Variants in CNTN4 observed in about 807,000 individuals in gnomAD.
CNTN4 encodes the protein contactin-4.
A neutral mutation model predicts 122.5 loss-of-function variants in CNTN4; 77 were observed. That is an observed-to-expected ratio of 0.63 (90% CI 0.52 to 0.76). The LOEUF (loss-of-function observed/expected upper bound fraction) is 0.76, where lower values mean the gene tolerates loss of function less well. Among genes scored for constraint, CNTN4 ranks in the 30% least tolerant of loss-of-function variants. The pLI is 0.00. For synonymous variants in CNTN4, 512 were observed against 447.0 expected (o/e 1.15, Z -1.83); for missense variants, 1,256 against 1,259.1 (o/e 1.00, Z 0.04).
chr3:2,540,397 C>T (rs951739494), intron 3 of CNTN4, among the ~76,000 whole-genome samples: 2 of 151,884 alleles, frequency 1.3e-5, no homozygotes, highest in African/African-American at 2.4e-5. Flanking sequence ...ATTTCTCTTG[C>T]AGCAAAACAG....
chr3:2,151,775 C>T lies in CNTN4; in HGVS notation c.-145+51136C>T, dbSNP rs143802975. Among the ~76,000 whole-genome samples, 841 of 152,284 alleles carry T rather than the reference C, an allele frequency of 5.5e-3. 9 individuals carry two copies. The highest frequency in any genetic ancestry group is 0.019 in the African/African-American group (778 of 41,554). On this transcript the variant is annotated intron_variant, in intron 2 of 24. Coordinates refer to ENST00000418658, the MANE Select transcript of CNTN4 (RefSeq NM_175607.3). Reference sequence around the variant, plus strand: ...AGAGGAAAACAGACCTGAGCTAGGACACTCAGTCATGTGACAGCCTGTGCC... The same window carrying T: ...AGAGGAAAACAGACCTGAGCTAGGATACTCAGTCATGTGACAGCCTGTGCC...
intron 4 of CNTN4, among the ~76,000 whole-genome samples, chr3:2,683,774 T>A (rs191336741): frequency 2.9e-4 from 44 of 152,060 alleles, no homozygotes; most frequent in Non-Finnish European, 4.3e-4. Flanking sequence ...TCCCTAGGAG[T>A]GTTCCAATAT....
intron 2 of CNTN4, among the ~76,000 whole-genome samples, chr3:2,275,650 G>A (rs1347709786): frequency 4.6e-5 from 7 of 151,998 alleles, no homozygotes; most frequent in African/African-American, 1.2e-4. Context: ...GGCCAGGCGC[G>A]GTGGGTAACA....
chr3:2,275,299 T>G (rs914576927), intron 2 of CNTN4, among the ~76,000 whole-genome samples: 11 of 152,232 alleles, frequency 7.2e-5, no homozygotes, highest in Non-Finnish European at 1.5e-5. Flanking sequence ...TTATAAATTA[T>G]ATGACCAAAT....
At chr3:2,693,826 C>T (rs1312354723) in intron 4 of CNTN4, among the ~76,000 whole-genome samples, 2 of 152,142 alleles carry the variant, frequency 1.3e-5, no homozygotes, top group East Asian at 3.9e-4. Flanking sequence ...TAAACTGAGT[C>T]TCTGTACCCC....
At chr3:2,922,278 C>A (rs1041075556) in intron 12 of CNTN4, among the ~76,000 whole-genome samples, 2 of 152,188 alleles carry the variant, frequency 1.3e-5, no homozygotes, top group African/African-American at 4.8e-5. Context: ...ACTTTTAAAA[C>A]CTCATTACCT....
intron 2 of CNTN4, among the ~76,000 whole-genome samples, chr3:2,222,946 A>G (rs1355048648): frequency 6.6e-6 from 1 of 152,154 alleles, no homozygotes; most frequent in African/African-American, 2.4e-5. Flanking sequence ...TCCATCATAA[A>G]AGAATCTGAC....
chr3:2,843,376 C>T (rs936315708), intron 7 of CNTN4, among the ~76,000 whole-genome samples: 1 of 152,192 alleles, frequency 6.6e-6, no homozygotes, highest in Non-Finnish European at 1.5e-5. Context: ...TCCAAACTCC[C>T]ATCGTAAGTG....
At chr3:2,720,665 G>A (rs2087793084) in intron 4 of CNTN4, among the ~76,000 whole-genome samples, 1 of 152,038 alleles carries the variant, frequency 6.6e-6, no homozygotes, top group East Asian at 1.9e-4. Context: ...AGAAACAAGG[G>A]TGCATTCTCC....
intron 6 of CNTN4, among the ~76,000 whole-genome samples, chr3:2,789,581 C>T (rs1393378469): frequency 2.6e-5 from 4 of 152,256 alleles, no homozygotes; most frequent in South Asian, 2.1e-4. Flanking sequence ...TACAGGCTTG[C>T]GCCACCATGC....
chr3:2,697,042 C>T (rs529148178), intron 4 of CNTN4, among the ~76,000 whole-genome samples: 1 of 152,230 alleles, frequency 6.6e-6, no homozygotes, highest in Non-Finnish European at 1.5e-5. Context: ...AAAGCTCACC[C>T]TGCCTATTCT....
At chr3:2,516,760 G>A (rs77136043) in intron 3 of CNTN4, among the ~76,000 whole-genome samples, 2 of 152,020 alleles carry the variant, frequency 1.3e-5, no homozygotes, top group East Asian at 3.9e-4. Flanking sequence ...GTTTCTTATG[G>A]TTAGATATAA....
intron 3 of CNTN4, among the ~76,000 whole-genome samples, chr3:2,549,481 G>T (rs1203899149): frequency 1.3e-5 from 2 of 152,156 alleles, no homozygotes; most frequent in Non-Finnish European, 2.9e-5. Context: ...CTTTGCTTCT[G>T]TTTAAGTGGT....
intron 3 of CNTN4, among the ~76,000 whole-genome samples, chr3:2,513,044 G>A (rs2076935084): frequency 6.6e-6 from 1 of 152,182 alleles, no homozygotes; most frequent in Non-Finnish European, 1.5e-5. Context: ...AGTACAGAAT[G>A]CTTAACATCT....
At position 2,747,373 on chromosome 3, in the gene CNTN4, G is replaced by C. The variant is rs540140713; in HGVS notation, c.358+1676G>C. On this transcript the variant is annotated intron_variant, in intron 6 of 24. Transcript: ENST00000418658. ...GCAGTGAGCCGAGATGGCGCCACTG[G>C]ACTCCAGCCTGGGCGACAGAGCGAG... is the stretch of plus-strand genomic sequence containing the variant. 8.1e-3 allele frequency among the ~76,000 whole-genome samples: 1,214 copies of C among 149,728 alleles called. 39 individuals carry two copies. The highest frequency in any genetic ancestry group is 0.053 in the South Asian group (255 of 4,768).
intron 3 of CNTN4, among the ~76,000 whole-genome samples, chr3:2,489,141 T>G (rs1257083147): frequency 6.6e-6 from 1 of 152,202 alleles, no homozygotes; most frequent in African/African-American, 2.4e-5. Context: ...GGTGCACTAT[T>G]GAAATCACTC....
chr3:2,954,882 A>G (rs1018010672), intron 13 of CNTN4, among the ~76,000 whole-genome samples: 6 of 151,996 alleles, frequency 3.9e-5, no homozygotes, highest in African/African-American at 1.5e-4. Flanking sequence ...TTCTCTCACT[A>G]TAAGATTCTG....
At chr3:2,340,083 C>T (rs1317646929) in intron 3 of CNTN4, among the ~76,000 whole-genome samples, 2 of 152,040 alleles carry the variant, frequency 1.3e-5, no homozygotes, top group Non-Finnish European at 2.9e-5. Context: ...CCATGCTAAT[C>T]TAATATGATC....
intron 3 of CNTN4, among the ~76,000 whole-genome samples, chr3:2,495,881 C>T (rs1159363610): frequency 6.6e-6 from 1 of 152,088 alleles, no homozygotes; most frequent in African/African-American, 2.4e-5. Context: ...TAGGAAGGCT[C>T]CAAATTGGAT....
Sources: allele counts gnomAD v4.1 joint callset (sites outside exome capture counted in the v4.1 genomes callset), GRCh38; gene constraint gnomAD v4.1.1; transcripts MANE v1.5; gene names NCBI Gene and HGNC (gene_info 2026-07-23, HGNC 2026-07-21).